The following NAALADL2 variants were observed in gnomAD, a reference collection of about 807,000 sequenced individuals.
NAALADL2 encodes the protein N-acetylated alpha-linked acidic dipeptidase like 2.
Under a neutral mutation model 87.2 loss-of-function variants are expected in NAALADL2, and 76 were observed. The ratio of observed to expected loss-of-function variants is 0.87; its 90% CI spans 0.72 to 1.05. NAALADL2 has a LOEUF of 1.05. NAALADL2 is among the 50% of genes least tolerant of loss of function. The probability of loss-of-function intolerance (pLI) is 0.00; values close to 1 mark genes in which losing one functional copy is unlikely to be tolerated. For synonymous variants in NAALADL2, 354 were observed against 331.0 expected (o/e 1.07, Z -0.75); for missense variants, 1,089 against 945.8 (o/e 1.15, Z -1.99).
intron 6 of NAALADL2, among the ~76,000 whole-genome samples, chr3:175,448,220 T>C (rs1721003376): frequency 6.6e-6 from 1 of 152,238 alleles, no homozygotes; most frequent in Admixed American, 6.5e-5. Flanking sequence ...TGAGAGCCTC[T>C]AAACTGATTA....
At chr3:175,576,216 A>T (rs369597036) in intron 10 of NAALADL2, 29 bp downstream of exon 10, 1 of 1,602,604 alleles carries the variant, frequency 6.2e-7, no homozygotes, top group East Asian at 2.2e-5. Context: ...TGCAAAACAC[A>T]CACACACAAT....
chr3:175,080,091 G>T (rs1006381290), intron 1 of NAALADL2, among the ~76,000 whole-genome samples: 1 of 151,176 alleles, frequency 6.6e-6, no homozygotes, highest in Non-Finnish European at 1.5e-5. Flanking sequence ...TCAGCCTCCC[G>T]AGTAGCTGGG....
At chr3:175,718,508 C>A (rs1741716863) in intron 11 of NAALADL2, 2 of 1,589,856 alleles carry the variant, frequency 1.3e-6, no homozygotes, top group Non-Finnish European at 1.7e-6. Context: ...TCTTGGAGGC[C>A]CAATTATCAT....
At chr3:175,600,329 C>G (rs957206758) in intron 10 of NAALADL2, among the ~76,000 whole-genome samples, 1 of 151,780 alleles carries the variant, frequency 6.6e-6, no homozygotes, top group African/African-American at 2.4e-5. Flanking sequence ...AGAATCACAT[C>G]TTATTGCATA....
chr3:174,579,782 G>C (rs1244707954), intron 2 of NAALADL2, among the ~76,000 whole-genome samples: 2 of 151,968 alleles, frequency 1.3e-5, no homozygotes, highest in Non-Finnish European at 2.9e-5. Context: ...GATTGCTACA[G>C]AATTGTCACA....
At chr3:175,077,249 A>C (rs1471915748) in intron 1 of NAALADL2, among the ~76,000 whole-genome samples, 1 of 152,228 alleles carries the variant, frequency 6.6e-6, no homozygotes, top group African/African-American at 2.4e-5. Flanking sequence ...CAAGCTTTAA[A>C]TGTGTAAAAC....
In NAALADL2 at chr3:174,509,568, A is replaced by ATTT. The variant is rs145219498; in HGVS notation, c.-183-40972_-183-40970dup. The stretch of plus-strand genomic sequence containing the variant: ...AGGCTCCCGCCACCACACCCAGCTA[A>ATTT]TTTTTTTTTTTTTTTTTTTTTTTTT... On this transcript the variant is annotated intron_variant, in intron 1 of 3. Coordinates refer to the NAALADL2 transcript ENST00000434257. Among the ~76,000 whole-genome samples, 193 of 80,102 alleles carry ATTT rather than the reference A, an allele frequency of 2.4e-3. 2 individuals are homozygous for ATTT. Among genetic ancestry groups the ATTT allele is most frequent in the Non-Finnish European group, 3.2e-3 (140 of 44,146 alleles). The allele number at this position is 80,102 out of a possible 152,430, so 52.6% of individuals were successfully genotyped here.
Position 174,929,211 on chromosome 3 carries a change from G to A in NAALADL2, c.43+69761G>A, listed in dbSNP as rs964973615. On this transcript the variant is annotated intron_variant, in intron 1 of 13. Transcript: ENST00000454872. ...AGGAATACGTGGAGCAGAGGAGAGC[G>A]GGGCTCTGTGTTTGTGGTGGGCCAC... 5.9e-5 allele frequency among the ~76,000 whole-genome samples: 9 copies of A among 152,252 alleles called. No homozygotes were observed. The South Asian group carries it at 6.2e-4, about 11-fold the overall frequency.
intron 9 of NAALADL2, among the ~76,000 whole-genome samples, chr3:175,566,550 CTTAT>C (rs1322720109): frequency 6.6e-6 from 1 of 152,066 alleles, no homozygotes. Context: ...TGCAATCTAA[CTTAT>C]TTAAATTTTA....
intron 3 of NAALADL2, among the ~76,000 whole-genome samples, chr3:175,242,717 G>A (rs1025384586): frequency 2.0e-5 from 3 of 152,172 alleles, no homozygotes; most frequent in African/African-American, 7.2e-5. Flanking sequence ...TCAACTTTCA[G>A]CAAATACATT....
At chr3:174,605,126 A>T (rs1273484843) in intron 2 of NAALADL2, among the ~76,000 whole-genome samples, 1 of 152,186 alleles carries the variant, frequency 6.6e-6, no homozygotes, top group Non-Finnish European at 1.5e-5. Flanking sequence ...TTTAAAGCTG[A>T]TTACAACATA....
chr3:175,464,309 A>G, intron 7 of NAALADL2, among the ~76,000 whole-genome samples: 1 of 152,004 alleles, frequency 6.6e-6, no homozygotes, highest in African/African-American at 2.4e-5. Context: ...GGTCACCTGC[A>G]GCTACTCAGG....
chr3:175,348,359 T>A (rs1199839106), intron 5 of NAALADL2, among the ~76,000 whole-genome samples: 1 of 152,194 alleles, frequency 6.6e-6, no homozygotes, highest in African/African-American at 2.4e-5. Context: ...TCTTACTTAG[T>A]AATGTTCCTA....
intron 5 of NAALADL2, among the ~76,000 whole-genome samples, chr3:175,330,120 A>G (rs1465485866): frequency 6.6e-6 from 1 of 152,224 alleles, no homozygotes; most frequent in Non-Finnish European, 1.5e-5. Context: ...TAAAGTTTCC[A>G]CAAAAATCCA....
chr3:174,547,789 A>G lies in NAALADL2; in HGVS notation c.-183-2780A>G, dbSNP rs1395916249. 2.6e-5 allele frequency among the ~76,000 whole-genome samples: 4 copies of G among 152,094 alleles called. No individual in the cohort carries two copies. The East Asian group carries it at 7.7e-4, about 29-fold the overall frequency. On this transcript the variant is annotated intron_variant, in intron 1 of 3. Transcript: ENST00000434257. ...GGTGAGAAGAGTTATAGCTCTTTAA[A>G]CTTCAGATTAAAGAAAAGTTAACAT...
chr3:175,619,608 G>A (rs765863104), intron 10 of NAALADL2, among the ~76,000 whole-genome samples: 3 of 151,902 alleles, frequency 2.0e-5, no homozygotes, highest in Non-Finnish European at 4.4e-5. Flanking sequence ...TCTAAGAATA[G>A]ACAGAAACCA....
intron 5 of NAALADL2, among the ~76,000 whole-genome samples, chr3:175,349,564 A>C (rs546667531): frequency 6.6e-6 from 1 of 152,262 alleles, no homozygotes; most frequent in Admixed American, 6.5e-5. Context: ...TTTCCTTTTT[A>C]AATATGACTC....
At chr3:175,797,691 T>A (rs1753672584) in intron 13 of NAALADL2, among the ~76,000 whole-genome samples, 1 of 152,130 alleles carries the variant, frequency 6.6e-6, no homozygotes, top group Admixed American at 6.5e-5. Context: ...ACTTAGGCAC[T>A]CTGATATAGT....
intron 1 of NAALADL2, among the ~76,000 whole-genome samples, chr3:175,080,714 A>G (rs995095143): frequency 6.6e-6 from 1 of 152,234 alleles, no homozygotes; most frequent in African/African-American, 2.4e-5. Flanking sequence ...ATGGGATTCA[A>G]TACCTTGGAA....
Sources: allele counts gnomAD v4.1 joint callset (sites outside exome capture counted in the v4.1 genomes callset), GRCh38; gene constraint gnomAD v4.1.1; transcripts MANE v1.5; gene names NCBI Gene and HGNC (gene_info 2026-07-23, HGNC 2026-07-21).